PDE1A: variants seen among roughly 807,000 people sequenced by gnomAD.
PDE1A encodes phosphodiesterase 1A, also known as dual specificity calcium/calmodulin-dependent 3',5'-cyclic nucleotide phosphodiesterase 1A.
PDE1A carries 35 observed loss-of-function variants against 61.7 expected under a neutral mutation model. The ratio of observed to expected loss-of-function variants is 0.57; its 90% CI spans 0.43 to 0.75. The LOEUF is 0.75. Among genes scored for constraint, PDE1A ranks in the 30% least tolerant of loss-of-function variants. The pLI, the probability that PDE1A is intolerant of heterozygous loss-of-function variation, is 0.00. For synonymous variants in PDE1A, 232 were observed against 213.2 expected (o/e 1.09, Z -0.77); for missense variants, 597 against 630.6 (o/e 0.95, Z 0.57).
At chr2:182,243,924 A>G (rs1690752368) in intron 2 of PDE1A, among the ~76,000 whole-genome samples, 1 of 151,980 alleles carries the variant, frequency 6.6e-6, no homozygotes. Flanking sequence ...CTGGAGTGCA[A>G]TGGTGCGATC....
the PDE1A span, among the ~76,000 whole-genome samples, chr2:182,575,302 A>G: frequency 6.6e-6 from 1 of 151,826 alleles, no homozygotes; most frequent in Non-Finnish European, 1.5e-5. Flanking sequence ...CCTTACCTCC[A>G]TTGTGGAGGA....
At chr2:182,578,650 A>G in the PDE1A span, among the ~76,000 whole-genome samples, 1 of 152,338 alleles carries the variant, frequency 6.6e-6, no homozygotes, top group African/African-American at 2.4e-5. Context: ...ATAGAAAAGT[A>G]TACTGCTATT....
chr2:182,638,769 C>T, the PDE1A span, among the ~76,000 whole-genome samples: 1 of 152,118 alleles, frequency 6.6e-6, no homozygotes, highest in Non-Finnish European at 1.5e-5. Flanking sequence ...AATGACAAGC[C>T]AGCCTAGCGC....
chr2:182,394,485 G>A (rs896623535), intron 1 of PDE1A, among the ~76,000 whole-genome samples: 1 of 152,094 alleles, frequency 6.6e-6, no homozygotes, highest in Non-Finnish European at 1.5e-5. Flanking sequence ...GATTTGGAAG[G>A]GGACACAGCC....
intron 1 of PDE1A, among the ~76,000 whole-genome samples, chr2:182,402,849 T>A (rs1250234789): frequency 3.3e-5 from 5 of 152,018 alleles, no homozygotes; most frequent in Admixed American, 2.6e-4. Context: ...AACAACGCCA[T>A]CAAAAAGTGG....
chr2:182,155,603 A>T (rs941696233), intron 13 of PDE1A, among the ~76,000 whole-genome samples: 3 of 152,172 alleles, frequency 2.0e-5, no homozygotes, highest in Middle Eastern at 3.2e-3. Context: ...TAAGCCCCAC[A>T]TGTCAGCCAG....
chr2:182,636,004 G>T, the PDE1A span, among the ~76,000 whole-genome samples: 54,610 of 134,988 alleles, frequency 0.4, 12,313 homozygotes, highest in Admixed American at 0.57. Flanking sequence ...TGCCCAGGCC[G>T]GACTGCAGTG....
chr2:182,264,713 A>G (rs1297179608), intron 1 of PDE1A, among the ~76,000 whole-genome samples: 1 of 151,356 alleles, frequency 6.6e-6, no homozygotes, highest in Non-Finnish European at 1.5e-5. Context: ...CATTTTCAGA[A>G]AAGTATATTC....
At chr2:182,201,108 C>T (rs1469020176) in intron 10 of PDE1A, among the ~76,000 whole-genome samples, 1 of 152,140 alleles carries the variant, frequency 6.6e-6, no homozygotes, top group African/African-American at 2.4e-5. Context: ...ATATCCTTAT[C>T]TACTCTTTCT....
intron 1 of PDE1A, among the ~76,000 whole-genome samples, chr2:182,382,316 G>A (rs562763963): frequency 5.3e-4 from 81 of 152,302 alleles, no homozygotes; most frequent in African/African-American, 1.9e-3. Context: ...TTTGACAAAT[G>A]GTTTGAAGAT....
chr2:182,193,113 G>A lies in PDE1A; in HGVS notation c.1126-4053C>T, dbSNP rs191898943. Among the ~76,000 whole-genome samples the A allele has an allele frequency of 1.2e-3, 183 of 151,824 alleles. 1 individual carries two copies. The highest frequency in any genetic ancestry group is 4.3e-3 in the African/African-American group (178 of 41,442). On this transcript the variant is annotated intron_variant, in intron 10 of 13. Coordinates refer to ENST00000351439, the Ensembl canonical transcript of PDE1A. Reference sequence around the variant, plus strand: ...AGCGATTCTCCTGCCTCAGCCTCCCGAGTAGATGGGACTACAGGCACCTGC... The same window carrying A: ...AGCGATTCTCCTGCCTCAGCCTCCCAAGTAGATGGGACTACAGGCACCTGC...
the PDE1A span, among the ~76,000 whole-genome samples, chr2:182,597,324 C>T: frequency 6.6e-6 from 1 of 152,082 alleles, no homozygotes; most frequent in African/African-American, 2.4e-5. Context: ...AGGTATATGA[C>T]TTATTCTGGA....
At chr2:182,340,597 A>G (rs531510530) in intron 1 of PDE1A, among the ~76,000 whole-genome samples, 55 of 152,346 alleles carry the variant, frequency 3.6e-4, no homozygotes, top group African/African-American at 1.3e-3. Context: ...AAGTAGGAGG[A>G]AAAGTGGTTA....
intron 1 of PDE1A, among the ~76,000 whole-genome samples, chr2:182,277,904 T>C (rs1036846570): frequency 6.6e-6 from 1 of 152,016 alleles, no homozygotes; most frequent in Non-Finnish European, 1.5e-5. Flanking sequence ...CACTTGGTCT[T>C]ATCCTACTCT....
chr2:182,605,081 A>G, the PDE1A span, among the ~76,000 whole-genome samples: 1 of 151,482 alleles, frequency 6.6e-6, no homozygotes, highest in African/African-American at 2.4e-5. Context: ...TATTTTTCCT[A>G]AGATTTTAAA....
chr2:182,475,061 AT>A (rs1341703464), intron 2 of PDE1A, among the ~76,000 whole-genome samples: 1 of 151,906 alleles, frequency 6.6e-6, no homozygotes, highest in Non-Finnish European at 1.5e-5. Context: ...TTCTCTTTAG[AT>A]AGCTTTTTCT....
chr2:182,305,118 A>C (rs553646807), intron 1 of PDE1A, among the ~76,000 whole-genome samples: 1 of 152,228 alleles, frequency 6.6e-6, no homozygotes, highest in East Asian at 1.9e-4. Flanking sequence ...ATAACACATT[A>C]TTGGCTTTCT....
chr2:182,524,742 A>C (rs1690747194), upstream of PDE1A, among the ~76,000 whole-genome samples: 1 of 152,098 alleles, frequency 6.6e-6, no homozygotes, highest in Non-Finnish European at 1.5e-5. Context: ...GTTTACAAAA[A>C]AATTCAATAT....
In PDE1A at chr2:182,162,061, A is replaced by T. The variant is rs140440593; in HGVS notation, c.1517-14909T>A. Among the ~76,000 whole-genome samples, 293 of 152,282 alleles carry T rather than the reference A, an allele frequency of 1.9e-3. 3 individuals are homozygous for T. The highest frequency in any genetic ancestry group is 7.7e-3 in the Admixed American group (118 of 15,292). ...TGTCACATAAAACCTACTCCCCCAC[A>T]CTGGGAGGGTCCAGAAGATACACCT... On this transcript the variant is annotated intron_variant, in intron 13 of 13. Coordinates refer to the PDE1A transcript ENST00000409365.
Sources: allele counts gnomAD v4.1 joint callset (sites outside exome capture counted in the v4.1 genomes callset), GRCh38; gene constraint gnomAD v4.1.1; transcripts MANE v1.5; gene names NCBI Gene and HGNC (gene_info 2026-07-23, HGNC 2026-07-21).